NAV2: variants seen among roughly 807,000 people sequenced by gnomAD.
The protein encoded by NAV2 is neuron navigator 2.
In NAV2, 54 loss-of-function variants were observed where a neutral mutation model predicts 223.2. The ratio of observed to expected loss-of-function variants is 0.24; its 90% CI spans 0.19 to 0.30. The LOEUF is 0.30. Among genes scored for constraint, NAV2 ranks in the 10% least tolerant of loss-of-function variants. The pLI is 1.00. For missense variants in NAV2, 2,806 were observed against 3,147.5 expected, an observed-to-expected ratio of 0.89 and a Z score of 2.60; for synonymous variants, 1,279 against 1,239.3, an observed-to-expected ratio of 1.03 and a Z score of -0.67.
intron 11 of NAV2, among the ~76,000 whole-genome samples, chr11:19,994,149 A>G (rs2051624715): frequency 6.6e-6 from 1 of 152,188 alleles, no homozygotes; most frequent in African/African-American, 2.4e-5. Flanking sequence ...GATGATGTGA[A>G]AGATCCTTTA....
intron 36 of NAV2, among the ~76,000 whole-genome samples, chr11:20,110,872 G>A (rs1042806439): frequency 1.1e-4 from 16 of 152,186 alleles, no homozygotes; most frequent in Non-Finnish European, 2.4e-4. Flanking sequence ...GTTCTAGGCT[G>A]AGAACAGGTG....
At chr11:19,625,379 A>C (rs2047137489) in intron 1 of NAV2, among the ~76,000 whole-genome samples, 1 of 152,242 alleles carries the variant, frequency 6.6e-6, no homozygotes. Flanking sequence ...TATGAATGAC[A>C]GAATTTCATT....
intron 1 of NAV2, among the ~76,000 whole-genome samples, chr11:19,766,437 C>T (rs914620373): frequency 4.5e-4 from 69 of 152,270 alleles, no homozygotes; most frequent in African/African-American, 1.6e-3. Context: ...AAGCTGATGT[C>T]ATTAGAGCAT....
At chr11:19,748,627 A>G (rs1369517544) in intron 1 of NAV2, among the ~76,000 whole-genome samples, 1 of 152,240 alleles carries the variant, frequency 6.6e-6, no homozygotes, top group Non-Finnish European at 1.5e-5. Context: ...CATATCTGTT[A>G]AATGAATGAG....
At chr11:20,106,946 AATT>A (rs1171888884) in intron 35 of NAV2, among the ~76,000 whole-genome samples, 1 of 150,800 alleles carries the variant, frequency 6.6e-6, no homozygotes, top group African/African-American at 2.4e-5. Context: ...ATGCCCAGCC[AATT>A]ACTCAGTTTT....
intron 1 of NAV2, among the ~76,000 whole-genome samples, chr11:19,698,152 C>T (rs1252312010): frequency 6.6e-6 from 1 of 152,200 alleles, no homozygotes; most frequent in Non-Finnish European, 1.5e-5. Context: ...TCGTTACACA[C>T]ATGAGCCAGG....
At chr11:19,775,601 A>G (rs1490386855) in intron 1 of NAV2, among the ~76,000 whole-genome samples, 1 of 152,250 alleles carries the variant, frequency 6.6e-6, no homozygotes, top group South Asian at 2.1e-4. Context: ...GCAGAAAAGA[A>G]ACAAGAATAC....
intron 1 of NAV2, among the ~76,000 whole-genome samples, chr11:19,546,410 T>G (rs1020952334): frequency 1.3e-5 from 2 of 152,198 alleles, no homozygotes; most frequent in African/African-American, 4.8e-5. Flanking sequence ...GGGGCCCAGA[T>G]GGCAGAGGCT....
At chr11:19,652,110 T>C (rs2047987515) in intron 1 of NAV2, among the ~76,000 whole-genome samples, 1 of 152,154 alleles carries the variant, frequency 6.6e-6, no homozygotes, top group Non-Finnish European at 1.5e-5. Context: ...TAATCCAAGA[T>C]ATTAACCAAT....
At position 20,050,535 on chromosome 11, in the gene NAV2, C is replaced by A. The variant is rs139900125; in HGVS notation, c.4436+634C>A. On this transcript the variant is annotated intron_variant, in intron 16 of 37. Coordinates refer to ENST00000349880, the MANE Select transcript of NAV2 (RefSeq NM_145117.5). ...CTTAATTTTGTGGGGGAGTGATGAC[C>A]TGGCCAAACATAACAAACAGATGTT... 4.7e-4 allele frequency among the ~76,000 whole-genome samples: 70 copies of A among 149,336 alleles called. No individual in the cohort carries two copies. The East Asian group carries it at 0.011, about 23-fold the overall frequency.
At chr11:19,995,085 C>G (rs1264128279) in intron 11 of NAV2, among the ~76,000 whole-genome samples, 3 of 152,188 alleles carry the variant, frequency 2.0e-5, no homozygotes, top group Non-Finnish European at 4.4e-5. Flanking sequence ...ACCAAAAGAC[C>G]TTGTTCTATA....
chr11:20,117,562 C>T (rs932623121), intron 37 of NAV2, among the ~76,000 whole-genome samples: 2 of 152,126 alleles, frequency 1.3e-5, no homozygotes, highest in Non-Finnish European at 2.9e-5. Context: ...CCCCTCACCT[C>T]CCTGCCAAGG....
At chr11:19,934,365 G>T in intron 7 of NAV2, 88 bp downstream of exon 7, 1 of 1,412,370 alleles carries the variant, frequency 7.1e-7, no homozygotes, top group South Asian at 1.7e-5. Flanking sequence ...GCAGAAGCTA[G>T]ACTGTGCTCC....
At chr11:19,690,331 C>T (rs1301327830) in intron 1 of NAV2, among the ~76,000 whole-genome samples, 1 of 152,182 alleles carries the variant, frequency 6.6e-6, no homozygotes, top group African/African-American at 2.4e-5. Flanking sequence ...TTAGGTCACT[C>T]CTCTCCTCAT....
At chr11:19,734,199 G>A (rs754209617) in intron 1 of NAV2, among the ~76,000 whole-genome samples, 1 of 152,178 alleles carries the variant, frequency 6.6e-6, no homozygotes, top group Non-Finnish European at 1.5e-5. Flanking sequence ...TTTTATAGGA[G>A]CCAACTTCCT....
intron 37 of NAV2, 145 bp downstream of exon 37, chr11:20,114,940 C>A: frequency 1.3e-6 from 1 of 791,810 alleles, no homozygotes; most frequent in Non-Finnish European, 2.0e-6. Flanking sequence ...GCCATTTTTG[C>A]CAATATTTTC....
chr11:19,408,379 G>A (rs1450725923), intron 1 of NAV2, among the ~76,000 whole-genome samples: 1 of 152,146 alleles, frequency 6.6e-6, no homozygotes, highest in Non-Finnish European at 1.5e-5. Flanking sequence ...TCTGAACCTT[G>A]GTTACATCTG....
intron 1 of NAV2, among the ~76,000 whole-genome samples, chr11:19,752,947 G>A (rs998947815): frequency 1.3e-5 from 2 of 152,132 alleles, no homozygotes; most frequent in African/African-American, 4.8e-5. Context: ...GTTGAGATGA[G>A]GTCATGAGGC....
At chr11:19,919,832 A>G (rs10833193) in intron 6 of NAV2, among the ~76,000 whole-genome samples, 51,336 of 152,112 alleles carry the variant, frequency 0.34, 10,654 homozygotes, top group Non-Finnish European at 0.46. Flanking sequence ...AATAAAGTCC[A>G]TTGATTAAGA....
Sources: allele counts gnomAD v4.1 joint callset (sites outside exome capture counted in the v4.1 genomes callset), GRCh38; gene constraint gnomAD v4.1.1; transcripts MANE v1.5; gene names NCBI Gene and HGNC (gene_info 2026-07-23, HGNC 2026-07-21).